The following RANBP2 variants were observed in gnomAD, a reference collection of about 807,000 sequenced individuals.
RANBP2 encodes the protein E3 SUMO-protein ligase RanBP2.
In RANBP2, 57 loss-of-function variants were observed where a neutral mutation model predicts 303.6. That is an observed-to-expected ratio of 0.19 (90% CI 0.15 to 0.23). The LOEUF (loss-of-function observed/expected upper bound fraction) is 0.23. Ranked by LOEUF, RANBP2 falls within the 10% of genes least tolerant of loss-of-function variation. The probability of loss-of-function intolerance (pLI) is 1.00; values close to 1 mark genes in which losing one functional copy is unlikely to be tolerated. For missense variants in RANBP2, 3,138 were observed against 3,780.8 expected (o/e 0.83, Z 4.46); for synonymous variants, 1,167 against 1,301.5 (o/e 0.90, Z 2.23).
At chr2:108,749,659 G>A (rs1361384886) in intron 9 of RANBP2, among the ~76,000 whole-genome samples, 2 of 152,160 alleles carry the variant, frequency 1.3e-5, no homozygotes, top group Non-Finnish European at 2.9e-5. Flanking sequence ...TGGCATGATC[G>A]TAGGTCACTG....
At chr2:109,102,740 C>A in the RANBP2 span, among the ~76,000 whole-genome samples, 4 of 152,136 alleles carry the variant, frequency 2.6e-5, no homozygotes, top group African/African-American at 9.7e-5. Context: ...AGCCCATCAG[C>A]AGCCTAAGTG....
chr2:109,254,477 G>A, the RANBP2 span, among the ~76,000 whole-genome samples: 1 of 152,212 alleles, frequency 6.6e-6, no homozygotes, highest in Admixed American at 6.5e-5. Context: ...CACATTGCAT[G>A]TAAATGTTAC....
At chr2:109,041,165 A>G in the RANBP2 span, among the ~76,000 whole-genome samples, 1 of 152,246 alleles carries the variant, frequency 6.6e-6, no homozygotes, top group African/African-American at 2.4e-5. Context: ...ATTGACTTCT[A>G]TATATCCAGC....
the RANBP2 span, among the ~76,000 whole-genome samples, chr2:109,006,263 G>C: frequency 1.3e-5 from 2 of 151,824 alleles, no homozygotes; most frequent in African/African-American, 2.4e-5. Flanking sequence ...GCGCGATCTC[G>C]GCTCGCTGCA....
the RANBP2 span, among the ~76,000 whole-genome samples, chr2:109,595,376 T>C: frequency 3.9e-5 from 6 of 152,222 alleles, no homozygotes; most frequent in African/African-American, 1.4e-4. Context: ...TTTTAATACC[T>C]GGCTTCAGGC....
the RANBP2 span, among the ~76,000 whole-genome samples, chr2:108,870,479 A>G: frequency 2.6e-5 from 4 of 152,236 alleles, no homozygotes; most frequent in African/African-American, 9.6e-5. Context: ...AAATTTGAGG[A>G]AAGACACGGC....
the RANBP2 span, among the ~76,000 whole-genome samples, chr2:109,072,088 ATT>A: frequency 6.6e-6 from 1 of 152,130 alleles, no homozygotes; most frequent in Non-Finnish European, 1.5e-5. Context: ...CTGGCCAAAT[ATT>A]TGTTGTGGGG....
the RANBP2 span, among the ~76,000 whole-genome samples, chr2:109,301,351 T>C: frequency 1.3e-5 from 1 of 74,624 alleles, no homozygotes; most frequent in African/African-American, 4.1e-5. Context: ...TGTGTGTGTG[T>C]GTTTGTGTAT....
chr2:109,140,612 A>T, the RANBP2 span, among the ~76,000 whole-genome samples: 2 of 151,864 alleles, frequency 1.3e-5, no homozygotes, highest in East Asian at 1.9e-4. Context: ...TGATCTCCTG[A>T]CCTCATGATC....
intron 1 of RANBP2, among the ~76,000 whole-genome samples, chr2:108,724,909 G>C (rs1462167890): frequency 6.6e-6 from 1 of 151,970 alleles, no homozygotes; most frequent in African/African-American, 2.4e-5. Context: ...AGGATTTTAG[G>C]GGGAGGGAGA....
the RANBP2 span, among the ~76,000 whole-genome samples, chr2:109,622,189 G>A: frequency 6.6e-6 from 1 of 152,132 alleles, no homozygotes; most frequent in Non-Finnish European, 1.5e-5. Flanking sequence ...TTCTACTGAT[G>A]GAGAACTGAA....
chr2:108,798,458 G>A, the RANBP2 span: 5 of 1,613,452 alleles, frequency 3.1e-6, no homozygotes, highest in East Asian at 8.9e-5. Flanking sequence ...GAAATTTGCT[G>A]AAGAACTTCA....
the RANBP2 span, among the ~76,000 whole-genome samples, chr2:108,990,160 G>A: frequency 6.6e-6 from 1 of 152,062 alleles, no homozygotes; most frequent in Non-Finnish European, 1.5e-5. Flanking sequence ...GGCCGGGCGC[G>A]GTGGCTCACG....
rs929595669 is a variant in RANBP2 at position 108,783,334 on chromosome 2, A to T, written c.9370-262A>T. Among the ~76,000 whole-genome samples the T allele has an allele frequency of 6.7e-4, 47 of 70,432 alleles. No homozygotes were observed. The South Asian group carries it at 0.015, about 22-fold the overall frequency. 46.2% of individuals were successfully genotyped at this position (70,432 alleles called of 152,430 possible). A position where few individuals can be genotyped will look rare whatever the true frequency, so the allele number is the denominator to read the frequency against. On this transcript the variant is annotated intron_variant, in intron 28 of 28. Transcript: ENST00000283195. ...CGACAGAGTGAGACAGCCTGTCATT[A>T]AAAAAAAAAAAAAAAAAAAAAAAAA...
At chr2:109,327,951 G>A in the RANBP2 span, among the ~76,000 whole-genome samples, 1 of 152,196 alleles carries the variant, frequency 6.6e-6, no homozygotes, top group Non-Finnish European at 1.5e-5. Context: ...CTAGGACAAT[G>A]ACCCTGTGTC....
chr2:108,904,544 G>A, the RANBP2 span, among the ~76,000 whole-genome samples: 2,157 of 151,580 alleles, frequency 0.014, 18 homozygotes, highest in Non-Finnish European at 0.021. Context: ...CATAATAGCC[G>A]TTAAGTGGAA....
the RANBP2 span, among the ~76,000 whole-genome samples, chr2:109,008,251 A>G: frequency 6.6e-6 from 1 of 152,204 alleles, no homozygotes; most frequent in Non-Finnish European, 1.5e-5. Context: ...AGGTCAGGAT[A>G]GATCTGAGCC....
chr2:109,596,379 A>G, the RANBP2 span, among the ~76,000 whole-genome samples: 1 of 152,218 alleles, frequency 6.6e-6, no homozygotes, highest in East Asian at 1.9e-4. Flanking sequence ...GCAGTTTGGG[A>G]GGCCGAGGTG....
At chr2:109,663,818 C>T in the RANBP2 span, among the ~76,000 whole-genome samples, 6 of 152,318 alleles carry the variant, frequency 3.9e-5, no homozygotes, top group African/African-American at 9.6e-5. Flanking sequence ...AGAATCCACA[C>T]GCCAGCAAAG....
Sources: gnomAD v4.1 joint callset for allele counts (sites outside exome capture counted in the v4.1 genomes callset) on GRCh38, gnomAD v4.1.1 for gene constraint, MANE v1.5 for transcripts, NCBI Gene and HGNC (gene_info 2026-07-23, HGNC 2026-07-21) for gene names.